Variants in AHCY observed in about 807,000 individuals in gnomAD.
AHCY encodes S-adenosyl-L-homocysteine hydrolase.
AHCY carries 24 observed loss-of-function variants against 45.4 expected under a neutral mutation model. The observed-to-expected ratio is 0.53, with a 90% confidence interval of 0.38 to 0.74. The LOEUF (loss-of-function observed/expected upper bound fraction) is 0.74. Ranked by LOEUF, AHCY falls within the 30% of genes least tolerant of loss-of-function variation. The pLI is 0.00. For missense variants in AHCY, 449 were observed against 594.1 expected, an observed-to-expected ratio of 0.76 and a Z score of 2.54; for synonymous variants, 245 against 235.1, an observed-to-expected ratio of 1.04 and a Z score of -0.39.
chr20:34,235,842 AAGG>A, the AHCY span, among the ~76,000 whole-genome samples: 15 of 37,310 alleles, frequency 4.0e-4, no homozygotes, highest in African/African-American at 5.0e-3. Context: ...AGAAAGAAAG[AAGG>A]AAGGAAGGAA....
rs192590509 is a variant in AHCY at position 34,291,506 on chromosome 20, G to A, written c.471C>T (p.Thr157=). The change falls in exon 5 of 10, where the codon ACC becomes ACT. Residue 157 remains threonine, a synonymous_variant. Transcript: ENST00000217426. The part of the protein sequence containing the change: ...LPGIRGISEE[T]TTGVHNLYKM... Reference sequence around the variant, plus strand: ...TGTAGAGGTTGTGGACCCCAGTCGTGGTCTCCTCAGAGATGCCTCGGATGC... The same window carrying A: ...TGTAGAGGTTGTGGACCCCAGTCGTAGTCTCCTCAGAGATGCCTCGGATGC... 70 of 1,614,122 alleles carry A rather than the reference G, an allele frequency of 4.3e-5. 1 individual carries two copies. In the Admixed American group the frequency reaches 7.7e-4, roughly 18 times the overall value.
the AHCY span, among the ~76,000 whole-genome samples, chr20:34,245,562 A>G: frequency 6.7e-6 from 1 of 149,994 alleles, no homozygotes; most frequent in Non-Finnish European, 1.5e-5. Context: ...TAAATTTTGT[A>G]TTTTTTTTGG....
Position 34,285,437 on chromosome 20 carries a change from C to G in AHCY, c.1167+3G>C, listed in dbSNP as rs897479298. ...TTGGCTTGAGGTAGAAGAATAAACC[C>G]ACCTTCTTGGGCAGGAAATGAACCC... On this transcript the variant is annotated splice_donor_region_variant and intron_variant, in intron 9 of 9. Transcript: ENST00000217426. 3 of 1,613,808 alleles carry G rather than the reference C, an allele frequency of 1.9e-6. No homozygotes were observed. The highest frequency in any genetic ancestry group is 2.5e-6 in the Non-Finnish European group (3 of 1,179,864).
At chr20:34,307,462 TCC>T (rs2036907590), upstream of AHCY, among the ~76,000 whole-genome samples, 1 of 152,166 alleles carries the variant, frequency 6.6e-6, no homozygotes, top group South Asian at 2.1e-4. Flanking sequence ...AACCTCCTCC[TCC>T]CAAGTTCAAG....
At chr20:34,262,341 T>C in the AHCY span, among the ~76,000 whole-genome samples, 1,324 of 152,280 alleles carry the variant, frequency 8.7e-3, 22 homozygotes, top group African/African-American at 0.03. Context: ...CACAGCCACA[T>C]AGTCATTATA....
At chr20:34,245,491 G>A in the AHCY span, among the ~76,000 whole-genome samples, 2 of 151,336 alleles carry the variant, frequency 1.3e-5, no homozygotes, top group Admixed American at 6.6e-5. Context: ...AGGTTCCAGC[G>A]ATTCTCAGGC....
the AHCY span, chr20:34,260,508 T>C: frequency 5.0e-5 from 80 of 1,613,534 alleles, no homozygotes; most frequent in Non-Finnish European, 6.6e-5. Context: ...GTGAACCTAC[T>C]GGATGTCCCT....
chr20:34,263,691 G>C, the AHCY span, among the ~76,000 whole-genome samples: 2 of 149,356 alleles, frequency 1.3e-5, no homozygotes, highest in East Asian at 3.9e-4. Flanking sequence ...TTTTGAGATG[G>C]AGTTTTCGCT....
the AHCY span, chr20:34,260,632 G>A: frequency 1.4e-5 from 18 of 1,321,542 alleles, no homozygotes; most frequent in African/African-American, 1.0e-4. Flanking sequence ...CCATGGTCAC[G>A]GCTCCTTCTT....
the AHCY span, among the ~76,000 whole-genome samples, chr20:34,235,846 AAG>A: frequency 3.9e-4 from 18 of 45,572 alleles, no homozygotes; most frequent in South Asian, 2.7e-3. Context: ...AGAAAGAAGG[AAG>A]GAAGGAAGGA....
chr20:34,269,946 T>TAAAAAAAAAAAAAAAAAAAAAGAAA, the AHCY span, among the ~76,000 whole-genome samples: 1 of 59,236 alleles, frequency 1.7e-5, no homozygotes, highest in African/African-American at 9.0e-5. Flanking sequence ...AACTCTGTCT[T>TAAAAAAAAAAAAAAAAAAAAAGAAA]AAAAAAAAAA....
intron 9 of AHCY, among the ~76,000 whole-genome samples, chr20:34,282,159 G>T (rs890512827): frequency 6.6e-6 from 1 of 152,114 alleles, no homozygotes; most frequent in African/African-American, 2.4e-5. Context: ...AAGTGATGGT[G>T]TGTGACTTTG....
chr20:34,250,812 G>A, the AHCY span, among the ~76,000 whole-genome samples: 3 of 152,092 alleles, frequency 2.0e-5, no homozygotes, highest in Non-Finnish European at 2.9e-5. Context: ...ACATGACTGG[G>A]AGACTGTAGT....
the AHCY span, among the ~76,000 whole-genome samples, chr20:34,233,733 C>T: frequency 5.9e-5 from 9 of 152,254 alleles, no homozygotes; most frequent in East Asian, 1.5e-3. Context: ...TTATCACCAT[C>T]CAGAAAGCCA....
the AHCY span, chr20:34,250,137 G>A: frequency 6.6e-6 from 1 of 152,264 alleles, no homozygotes; most frequent in Non-Finnish European, 1.5e-5. Context: ...TGCTTGGCAG[G>A]GCTGGTGGAA....
chr20:34,272,813 G>A, the AHCY span, among the ~76,000 whole-genome samples: 2 of 152,192 alleles, frequency 1.3e-5, no homozygotes, highest in African/African-American at 4.8e-5. Flanking sequence ...GAGCCCAGGA[G>A]GTCGAGGCTG....
chr20:34,303,386 T>A (rs1002595710), upstream of AHCY: 48 of 1,436,780 alleles, frequency 3.3e-5, no homozygotes, highest in Non-Finnish European at 4.4e-5. Flanking sequence ...CCTTTAAATA[T>A]CTTCCTCGCA....
At chr20:34,292,085 C>T (rs1363851313) in intron 4 of AHCY, among the ~76,000 whole-genome samples, 2 of 152,236 alleles carry the variant, frequency 1.3e-5, no homozygotes, top group Non-Finnish European at 2.9e-5. Context: ...CTGCACTCTG[C>T]GTACCTGCTT....
chr20:34,258,792 GTA>G, the AHCY span, among the ~76,000 whole-genome samples: 1 of 103,302 alleles, frequency 9.7e-6, no homozygotes, highest in South Asian at 2.7e-4. Context: ...TATATATAGT[GTA>G]TATATAATAT....
Sources: allele counts gnomAD v4.1 joint callset (sites outside exome capture counted in the v4.1 genomes callset), GRCh38; gene constraint gnomAD v4.1.1; transcripts MANE v1.5; gene names NCBI Gene and HGNC (gene_info 2026-07-23, HGNC 2026-07-21).